NAA50: variants seen among roughly 807,000 people sequenced by gnomAD.
The protein encoded by NAA50 is N-alpha-acetyltransferase 50, NatE catalytic subunit, also known as N-alpha-acetyltransferase 50.
NAA50 carries 7 observed loss-of-function variants against 20.7 expected under a neutral mutation model. The observed-to-expected ratio is 0.34, with a 90% CI of 0.19 to 0.63. The LOEUF (loss-of-function observed/expected upper bound fraction) is 0.63. Ranked by LOEUF, NAA50 falls within the 30% of genes least tolerant of loss-of-function variation. The pLI, the probability that NAA50 is intolerant of heterozygous loss-of-function variation, is 0.75. For missense variants in NAA50, 111 were observed against 199.1 expected, an observed-to-expected ratio of 0.56 and a Z score of 2.66; for synonymous variants, 54 against 70.6, an observed-to-expected ratio of 0.77 and a Z score of 1.18.
intron 1 of NAA50, among the ~76,000 whole-genome samples, chr3:113,742,675 A>G (rs890779023): frequency 6.6e-6 from 1 of 152,160 alleles, no homozygotes; most frequent in Non-Finnish European, 1.5e-5. Flanking sequence ...TGACTGCAGA[A>G]TCTTACATTT....
Position 113,720,415 on chromosome 3 carries a change from A to G in NAA50, c.*1345T>C, listed in dbSNP as rs1037084574. 11 of 152,622 alleles carry G rather than the reference A, an allele frequency of 7.2e-5. No individual in the cohort carries two copies. Among genetic ancestry groups the G allele is most frequent in the African/African-American group, 2.7e-4 (11 of 41,462 alleles). 9.5% of individuals were successfully genotyped at this position (152,622 alleles called of 1,614,324 possible). A position where few individuals can be genotyped will look rare whatever the true frequency, so the allele number is the denominator to read the frequency against. The stretch of plus-strand genomic sequence containing the variant: ...ATGGGACTACAAAAGGAAAACATGA[A>G]TATTTCAGATGTCTCCCATCTTACA... On this transcript the variant is annotated 3_prime_UTR_variant, in exon 5 of 5. Transcript: ENST00000240922.
intron 1 of NAA50, among the ~76,000 whole-genome samples, chr3:113,744,369 C>T (rs1708460915): frequency 6.6e-6 from 1 of 151,370 alleles, no homozygotes; most frequent in Non-Finnish European, 1.5e-5. Context: ...AAGGCTGAGG[C>T]GGGAGGATTG....
At chr3:113,744,122 T>C (rs1337606792) in intron 1 of NAA50, among the ~76,000 whole-genome samples, 4 of 152,156 alleles carry the variant, frequency 2.6e-5, no homozygotes, top group Non-Finnish European at 5.9e-5. Flanking sequence ...ACTGAGTGCC[T>C]GACAATGAGT....
intron 2 of NAA50, 128 bp from the exon 3 acceptor site, chr3:113,723,669 G>C (rs749923408): frequency 2.7e-4 from 310 of 1,146,658 alleles, no homozygotes; most frequent in Non-Finnish European, 3.4e-4. Context: ...GAATATCAAT[G>C]ATCTCAAAGC....
In NAA50 at chr3:113,718,254, A is replaced by C. The variant is rs1369929067; in HGVS notation, c.*3506T>G. 1 of 152,184 alleles carries C rather than the reference A, an allele frequency of 6.6e-6. No individual in the cohort carries two copies. Among genetic ancestry groups the C allele is most frequent in the Admixed American group, 6.5e-5 (1 of 15,268 alleles). The allele number at this position is 152,184 out of a possible 1,614,324, so 9.4% of individuals were successfully genotyped here. A position where few individuals can be genotyped will look rare whatever the true frequency, so the allele number is the denominator to read the frequency against. ...GAAGCCCAAGAGCCACGTAAGCAAG[A>C]CATCTTGGAAATGGCTCCTCTAGCC... On this transcript the variant is annotated 3_prime_UTR_variant, in exon 5 of 5. Coordinates refer to ENST00000240922, the MANE Select transcript of NAA50 (RefSeq NM_025146.4).
chr3:113,739,527 G>A (rs972063657), intron 1 of NAA50: 5 of 152,182 alleles, frequency 3.3e-5, no homozygotes, highest in Non-Finnish European at 5.9e-5. Context: ...CAGCACTATA[G>A]GGGACTGAGG....
At chr3:113,741,038 T>C in intron 1 of NAA50, 1 of 486,252 alleles carries the variant, frequency 2.1e-6, no homozygotes, top group Non-Finnish European at 4.1e-6. Context: ...AATCCCTTCT[T>C]CAGTGTCTGA....
chr3:113,723,374 A>G, intron 3 of NAA50, 48 bp downstream of exon 3: 1 of 1,545,374 alleles, frequency 6.5e-7, no homozygotes, highest in South Asian at 1.2e-5. Flanking sequence ...ATTAACAAAT[A>G]ATATGTTTAT....
chr3:113,731,317 A>G (rs1335800356), intron 1 of NAA50, among the ~76,000 whole-genome samples: 3 of 152,128 alleles, frequency 2.0e-5, no homozygotes, highest in African/African-American at 2.4e-5. Context: ...ACATTTTGAC[A>G]AATTTATTTC....
At chr3:113,726,499 A>T (rs1385392963) in intron 1 of NAA50, among the ~76,000 whole-genome samples, 1 of 151,984 alleles carries the variant, frequency 6.6e-6, no homozygotes, top group Non-Finnish European at 1.5e-5. Flanking sequence ...AAAAAAAAAA[A>T]AATTGGGAGG....
intron 1 of NAA50, among the ~76,000 whole-genome samples, chr3:113,737,246 G>C (rs886191082): frequency 1.3e-5 from 2 of 152,166 alleles, no homozygotes; most frequent in African/African-American, 4.8e-5. Context: ...AAAACTCAAA[G>C]CATCTTTTAG....
chr3:113,728,809 C>T (rs1396373832), intron 1 of NAA50, among the ~76,000 whole-genome samples: 1 of 152,200 alleles, frequency 6.6e-6, no homozygotes, highest in Non-Finnish European at 1.5e-5. Context: ...CTCCAGCAGA[C>T]ACTTCAAAGT....
chr3:113,724,703 T>A lies in NAA50; in HGVS notation c.9-608A>T, dbSNP rs1356794646. 3 of 152,324 alleles carry A rather than the reference T, an allele frequency of 2.0e-5. No homozygotes were observed. The East Asian group carries it at 5.8e-4, about 29-fold the overall frequency. 9.4% of individuals were successfully genotyped at this position (152,324 alleles called of 1,614,324 possible). ...AGAAAGCAACAGGAGTGATATGGTT[T>A]GGCTGTGTCCCCATCCAAATTTCAT... is the stretch of plus-strand genomic sequence containing the variant. On this transcript the variant is annotated intron_variant, in intron 1 of 4. Transcript: ENST00000240922.
At chr3:113,731,429 CCT>C (rs940623938) in intron 1 of NAA50, among the ~76,000 whole-genome samples, 2 of 151,996 alleles carry the variant, frequency 1.3e-5, no homozygotes, top group African/African-American at 2.4e-5. Flanking sequence ...GTATGAACTC[CCT>C]CTTTCTTAAA....
chr3:113,717,194 G>C lies in NAA50; in HGVS notation c.*4566C>G, dbSNP rs984567929. The C allele has an allele frequency of 3.3e-5, 5 of 152,146 alleles. No individual in the cohort carries two copies. The highest frequency in any genetic ancestry group is 1.2e-4 in the African/African-American group (5 of 41,408). 9.4% of individuals were successfully genotyped at this position (152,146 alleles called of 1,614,324 possible). A position where few individuals can be genotyped will look rare whatever the true frequency, so the allele number is the denominator to read the frequency against. ...CTACTAAAATACAAAAAATTAGCCA[G>C]GCGTGGTGGCATGCGCTTTCTAGTC... On this transcript the variant is annotated 3_prime_UTR_variant, in exon 5 of 5. Transcript: ENST00000240922.
chr3:113,743,051 T>C (rs1708438952), intron 1 of NAA50, among the ~76,000 whole-genome samples: 1 of 152,234 alleles, frequency 6.6e-6, no homozygotes, highest in South Asian at 2.1e-4. Context: ...CAACATTTCC[T>C]AGTATATCTC....
intron 1 of NAA50, among the ~76,000 whole-genome samples, chr3:113,725,044 A>T (rs574590128): frequency 6.6e-6 from 1 of 152,350 alleles, no homozygotes; most frequent in African/African-American, 2.4e-5. Context: ...AAGGACTAAT[A>T]AAAGGAGCAT....
chr3:113,726,329 T>C, intron 1 of NAA50, among the ~76,000 whole-genome samples: 1 of 152,194 alleles, frequency 6.6e-6, no homozygotes, highest in East Asian at 1.9e-4. Flanking sequence ...TATAGTCTTT[T>C]CTCATCCCAA....
chr3:113,721,846 T>A lies in NAA50; in HGVS notation c.424A>T (p.Ile142Leu). 6.2e-7 allele frequency: 1 copy of A among 1,613,978 alleles called. No homozygotes were observed. The highest frequency in any genetic ancestry group is 8.5e-7 in the Non-Finnish European group (1 of 1,179,854). The part of the protein sequence containing the change: ...IETKKNYYKR[I>L]EPADAHVLQK... ...AGCACATGAGCATCTGCGGGCTCTA[T>A]CCTCTTATAGTAGTTCTTCTTTGTC... is the stretch of plus-strand genomic sequence containing the variant. Residue 142 changes from isoleucine to leucine, a missense_variant, in exon 5 of 5, where the codon ATA becomes TTA. Coordinates refer to ENST00000240922, the MANE Select transcript of NAA50 (RefSeq NM_025146.4).
Sources: allele counts gnomAD v4.1 joint callset (sites outside exome capture counted in the v4.1 genomes callset), GRCh38; gene constraint gnomAD v4.1.1; transcripts MANE v1.5; gene names NCBI Gene and HGNC (gene_info 2026-07-23, HGNC 2026-07-21).